The following AVL9 variants were observed in gnomAD, a reference collection of about 807,000 sequenced individuals.
The protein encoded by AVL9 is late secretory pathway protein AVL9 homolog.
A neutral mutation model predicts 79.2 loss-of-function variants in AVL9; 49 were observed. That is an observed-to-expected ratio of 0.62 (90% CI 0.49 to 0.79). The LOEUF is 0.79. AVL9 is among the 30% of genes least tolerant of loss of function. The probability of loss-of-function intolerance (pLI) is 0.00; values close to 1 mark genes in which losing one functional copy is unlikely to be tolerated. For synonymous variants in AVL9, 299 were observed against 280.6 expected (o/e 1.07, Z -0.65); for missense variants, 682 against 776.8 (o/e 0.88, Z 1.45).
intron 10 of AVL9, among the ~76,000 whole-genome samples, chr7:32,563,940 G>T (rs536623647): frequency 6.6e-6 from 1 of 152,092 alleles, no homozygotes; most frequent in Non-Finnish European, 1.5e-5. Context: ...GAGAAAACTC[G>T]GGTTTCTCAG....
At chr7:32,504,696 C>T (rs771580133) in intron 1 of AVL9, among the ~76,000 whole-genome samples, 2 of 152,096 alleles carry the variant, frequency 1.3e-5, no homozygotes, top group African/African-American at 2.4e-5. Context: ...TCATCAGAGG[C>T]TACATTCAGA....
intron 8 of AVL9, among the ~76,000 whole-genome samples, chr7:32,556,957 T>C (rs1240915732): frequency 6.6e-6 from 1 of 152,140 alleles, no homozygotes; most frequent in Admixed American, 6.5e-5. Flanking sequence ...TATTCCTTTA[T>C]ATATGTCCAT....
intron 11 of AVL9, among the ~76,000 whole-genome samples, chr7:32,571,241 AAAAAAAAGC>A (rs1374573612): frequency 2.0e-5 from 3 of 147,592 alleles, no homozygotes; most frequent in Non-Finnish European, 4.5e-5. Context: ...AAAAAAAAAA[AAAAAAAAGC>A]CAGCTGCAGT....
At chr7:32,568,645 CAT>C (rs1002354092) in intron 10 of AVL9, among the ~76,000 whole-genome samples, 35 of 152,144 alleles carry the variant, frequency 2.3e-4, no homozygotes, top group Admixed American at 5.9e-4. Flanking sequence ...TATAATATCA[CAT>C]ATGATATAAT....
At chr7:32,496,899 G>A (rs1020187036) in intron 1 of AVL9, among the ~76,000 whole-genome samples, 1 of 152,220 alleles carries the variant, frequency 6.6e-6, no homozygotes. Flanking sequence ...CCAGGAGTTT[G>A]AGACCAGCTT....
chr7:32,552,754 A>G (rs1789887878), intron 6 of AVL9, among the ~76,000 whole-genome samples: 1 of 151,960 alleles, frequency 6.6e-6, no homozygotes, highest in Non-Finnish European at 1.5e-5. Flanking sequence ...TTGTAGAGAC[A>G]AGGTGTCCCT....
rs770034559 is a variant in AVL9, at chr7:32,544,784, G to A, written c.300+5G>A. On this transcript the variant is annotated splice_donor_5th_base_variant and intron_variant, in intron 3 of 15. Coordinates refer to ENST00000318709, the MANE Select transcript of AVL9 (RefSeq NM_015060.3). ...TATCGACAAATTGAAGCCAAGGTAC[G>A]ATAGTTAATAGTGAAAAACAATTCC... 1.6e-5 allele frequency: 26 copies of A among 1,608,630 alleles called. No homozygotes were observed. The highest frequency in any genetic ancestry group is 4.4e-5 in the South Asian group (4 of 90,672).
intron 1 of AVL9, among the ~76,000 whole-genome samples, chr7:32,499,837 A>G (rs1470004765): frequency 6.6e-6 from 1 of 152,162 alleles, no homozygotes; most frequent in African/African-American, 2.4e-5. Flanking sequence ...ATGAGTGAGA[A>G]CATGTGGTGT....
chr7:32,512,520 T>C (rs1190451391), intron 1 of AVL9, among the ~76,000 whole-genome samples: 4 of 152,212 alleles, frequency 2.6e-5, no homozygotes, highest in Non-Finnish European at 5.9e-5. Flanking sequence ...TGGCACAAAG[T>C]GCTTACCAGC....
intron 1 of AVL9, among the ~76,000 whole-genome samples, chr7:32,519,832 G>T (rs567265240): frequency 1.3e-5 from 2 of 152,142 alleles, no homozygotes; most frequent in African/African-American, 4.8e-5. Flanking sequence ...AGTTCTGCAG[G>T]CTGTACAGGA....
chr7:32,577,632 G>C (rs751207666), intron 13 of AVL9, among the ~76,000 whole-genome samples: 61 of 152,264 alleles, frequency 4.0e-4, no homozygotes, highest in Non-Finnish European at 6.8e-4. Context: ...TGCACTGGGA[G>C]GCCTGGTCAG....
At chr7:32,564,664 C>G (rs951077945) in intron 10 of AVL9, among the ~76,000 whole-genome samples, 3 of 152,264 alleles carry the variant, frequency 2.0e-5, no homozygotes, top group East Asian at 1.9e-4. Context: ...ATGTCAGTTT[C>G]AGAGAGGAGG....
chr7:32,531,224 G>A (rs1205756837), intron 1 of AVL9, among the ~76,000 whole-genome samples: 1 of 152,124 alleles, frequency 6.6e-6, no homozygotes, highest in Non-Finnish European at 1.5e-5. Context: ...TCTAGAGCTT[G>A]CATAGCAAGT....
intron 3 of AVL9, among the ~76,000 whole-genome samples, chr7:32,545,932 C>T (rs115280225): frequency 0.023 from 3,532 of 152,106 alleles, 154 homozygotes; most frequent in African/African-American, 0.079. Context: ...CTGCCCCCGC[C>T]CCAAAAGATT....
intron 10 of AVL9, among the ~76,000 whole-genome samples, chr7:32,565,788 AT>A (rs1790538926): frequency 6.6e-6 from 1 of 152,028 alleles, no homozygotes; most frequent in Non-Finnish European, 1.5e-5. Flanking sequence ...CGGGCACATC[AT>A]CTGAGGTCAA....
chr7:32,536,458 C>T (rs1044072264), intron 1 of AVL9: 1 of 152,062 alleles, frequency 6.6e-6, no homozygotes, highest in Non-Finnish European at 1.5e-5. Flanking sequence ...AGAAAGGGGA[C>T]AGATATTCAG....
chr7:32,550,843 A>T (rs184862478), intron 4 of AVL9, among the ~76,000 whole-genome samples: 1 of 152,310 alleles, frequency 6.6e-6, no homozygotes, highest in African/African-American at 2.4e-5. Flanking sequence ...TGTTATAAGG[A>T]TGATTAAATG....
chr7:32,512,975 A>C (rs1306286391), intron 1 of AVL9, among the ~76,000 whole-genome samples: 4 of 152,264 alleles, frequency 2.6e-5, no homozygotes, highest in South Asian at 4.1e-4. Flanking sequence ...GGAGGCATGG[A>C]GAGATAACTG....
rs374544842 is a variant in AVL9 at position 32,543,158 on chromosome 7, G to A, written c.111G>A (p.Pro37=). 54 of 1,613,846 alleles carry A rather than the reference G, an allele frequency of 3.3e-5. No individual in the cohort carries two copies. The highest frequency in any genetic ancestry group is 8.9e-5 in the East Asian group (4 of 44,878). The change falls in exon 2 of 16, where the codon CCG becomes CCA. Residue 37 remains proline, a synonymous_variant. Transcript: ENST00000318709. The stretch of plus-strand genomic sequence containing the variant: ...TATTTTAGGTTGAATTCTCTTACCC[G>A]CCCCTGATTCCAGGAGATGGACATG... The part of the protein sequence containing the change: ...KKGCQVEFSY[P]PLIPGDGHDS...
Sources: gnomAD v4.1 joint callset for allele counts (sites outside exome capture counted in the v4.1 genomes callset) on GRCh38, gnomAD v4.1.1 for gene constraint, MANE v1.5 for transcripts, NCBI Gene and HGNC (gene_info 2026-07-23, HGNC 2026-07-21) for gene names.